Variants in ARNT2 observed in about 807,000 individuals in gnomAD.
ARNT2 encodes the protein aryl hydrocarbon receptor nuclear translocator 2, also known as ARNT protein 2.
ARNT2 carries 36 observed loss-of-function variants against 91.7 expected under a neutral mutation model. That is an observed-to-expected ratio of 0.39 (90% CI 0.30 to 0.52). ARNT2 has a LOEUF of 0.52. ARNT2 is among the 20% of genes least tolerant of loss of function. ARNT2 has a pLI of 0.72. For missense variants in ARNT2, 775 were observed against 939.3 expected (o/e 0.83, Z 2.29); for synonymous variants, 365 against 347.1 (o/e 1.05, Z -0.57).
intron 8 of ARNT2, among the ~76,000 whole-genome samples, chr15:80,533,708 G>C (rs1395106919): frequency 6.6e-6 from 1 of 152,212 alleles, no homozygotes; most frequent in East Asian, 1.9e-4. Flanking sequence ...CAAGGTTCTA[G>C]GTTCCTCTGC....
At chr15:80,525,603 C>G (rs1169346790) in intron 8 of ARNT2, among the ~76,000 whole-genome samples, 1 of 152,110 alleles carries the variant, frequency 6.6e-6, no homozygotes, top group Non-Finnish European at 1.5e-5. Flanking sequence ...ACAAAGAAAT[C>G]ACTCACTTTG....
chr15:80,474,028 A>T (rs897603128), intron 4 of ARNT2, among the ~76,000 whole-genome samples: 1 of 152,216 alleles, frequency 6.6e-6, no homozygotes, highest in Non-Finnish European at 1.5e-5. Context: ...TACAGTGTCT[A>T]GGGAAGACTT....
intron 8 of ARNT2, among the ~76,000 whole-genome samples, chr15:80,541,792 C>A (rs1407288082): frequency 6.6e-6 from 1 of 152,190 alleles, no homozygotes; most frequent in Non-Finnish European, 1.5e-5. Flanking sequence ...TTGCACAGTC[C>A]TGCCCTGTCG....
chr15:80,505,010 C>T (rs1259915150), intron 5 of ARNT2, among the ~76,000 whole-genome samples: 1 of 152,084 alleles, frequency 6.6e-6, no homozygotes, highest in Non-Finnish European at 1.5e-5. Flanking sequence ...ATTTTCCTGA[C>T]AACTAAGAGT....
chr15:80,534,236 G>A (rs1345722929), intron 8 of ARNT2, among the ~76,000 whole-genome samples: 2 of 152,140 alleles, frequency 1.3e-5, no homozygotes, highest in African/African-American at 4.8e-5. Flanking sequence ...GGCATTGTTT[G>A]AGAATGATGT....
intron 8 of ARNT2, among the ~76,000 whole-genome samples, chr15:80,521,944 T>C (rs1897554238): frequency 6.6e-6 from 1 of 152,170 alleles, no homozygotes; most frequent in Non-Finnish European, 1.5e-5. Flanking sequence ...ATTACCATGC[T>C]CTGTCAATAG....
At chr15:80,514,526 G>C (rs1457775583) in intron 8 of ARNT2, 121 bp downstream of exon 8, 1 of 839,638 alleles carries the variant, frequency 1.2e-6, no homozygotes, top group African/African-American at 1.7e-5. Flanking sequence ...TTTTCTTTGT[G>C]GTTAGAACAC....
chr15:80,508,147 C>T lies in ARNT2; in HGVS notation c.623-9C>T, dbSNP rs779297618. 9 of 1,613,948 alleles carry T rather than the reference C, an allele frequency of 5.6e-6. No homozygotes were observed. The highest frequency in any genetic ancestry group is 3.4e-6 in the Non-Finnish European group (4 of 1,179,898). ...GAGGCTTACGTAACTGTCCTTCTCTCTCTCTTAGGCCGGATCTTGGACCTG... is the reference window on the plus strand; with the variant it reads ...GAGGCTTACGTAACTGTCCTTCTCTTTCTCTTAGGCCGGATCTTGGACCTG... On this transcript the variant is annotated splice_polypyrimidine_tract_variant and intron_variant, in intron 5 of 18. Transcript: ENST00000303329.
chr15:80,540,644 C>T (rs139066095), intron 8 of ARNT2, among the ~76,000 whole-genome samples: 7 of 152,024 alleles, frequency 4.6e-5, no homozygotes, highest in Non-Finnish European at 8.8e-5. Flanking sequence ...AAACCTTTGC[C>T]CTCCTCCTTC....
chr15:80,581,034 C>T (rs1271599578), intron 16 of ARNT2: 2 of 623,708 alleles, frequency 3.2e-6, no homozygotes, highest in East Asian at 5.6e-5. Flanking sequence ...GTAACTTCAA[C>T]CAGACGTGCC....
At chr15:80,505,323 G>A (rs1003225479) in intron 5 of ARNT2, among the ~76,000 whole-genome samples, 1 of 152,192 alleles carries the variant, frequency 6.6e-6, no homozygotes. Flanking sequence ...AGGAAGTGAT[G>A]ACTGCCCTTT....
chr15:80,539,239 T>C (rs963855840), intron 8 of ARNT2, among the ~76,000 whole-genome samples: 7 of 152,138 alleles, frequency 4.6e-5, no homozygotes, highest in Non-Finnish European at 7.4e-5. Context: ...TTTCATGTGT[T>C]AGGATAAAGA....
At chr15:80,451,525 T>C (rs17225178) in intron 2 of ARNT2, among the ~76,000 whole-genome samples, 1 of 152,186 alleles carries the variant, frequency 6.6e-6, no homozygotes, top group African/African-American at 2.4e-5. Context: ...AGTGTACTTG[T>C]TCTGATAGGG....
chr15:80,556,434 A>C lies in ARNT2; in HGVS notation c.1164+1295A>C, dbSNP rs905704211. ...GGAAATAACTGGAAACAAAGACAAG[A>C]GGCTTTAAAATTGTCCAAGTAAGAG... On this transcript the variant is annotated intron_variant, in intron 11 of 18. Transcript: ENST00000303329. 5 of 152,544 alleles carry C rather than the reference A, an allele frequency of 3.3e-5. 1 individual carries two copies. In the South Asian group the frequency reaches 1.0e-3, roughly 32 times the overall value. The allele number at this position is 152,544 out of a possible 1,614,324, so 9.4% of individuals were successfully genotyped here.
At chr15:80,544,909 A>C (rs1897966675) in intron 8 of ARNT2, among the ~76,000 whole-genome samples, 1 of 152,166 alleles carries the variant, frequency 6.6e-6, no homozygotes. Flanking sequence ...GTATGACTCT[A>C]AGGGCAAGTC....
At chr15:80,406,591 A>G (rs1458250229) in intron 1 of ARNT2, among the ~76,000 whole-genome samples, 4 of 152,220 alleles carry the variant, frequency 2.6e-5, no homozygotes, top group Non-Finnish European at 4.4e-5. Flanking sequence ...TACATGGACT[A>G]AAGATCTAAA....
At chr15:80,411,345 G>C (rs1252426594) in intron 1 of ARNT2, among the ~76,000 whole-genome samples, 1 of 152,148 alleles carries the variant, frequency 6.6e-6, no homozygotes, top group Non-Finnish European at 1.5e-5. Flanking sequence ...CCATACAATA[G>C]ATACCCAGTA....
chr15:80,459,670 T>C (rs1189764448), intron 3 of ARNT2, among the ~76,000 whole-genome samples: 2 of 152,170 alleles, frequency 1.3e-5, no homozygotes, highest in Non-Finnish European at 2.9e-5. Flanking sequence ...GGCCCGATCA[T>C]TAAGAAACAG....
At chr15:80,537,973 G>A (rs1256835494) in intron 8 of ARNT2, among the ~76,000 whole-genome samples, 1 of 152,198 alleles carries the variant, frequency 6.6e-6, no homozygotes, top group Non-Finnish European at 1.5e-5. Flanking sequence ...GGGGAATTTG[G>A]ACACAGACGT....
Sources: allele counts gnomAD v4.1 joint callset (sites outside exome capture counted in the v4.1 genomes callset), GRCh38; gene constraint gnomAD v4.1.1; transcripts MANE v1.5; gene names NCBI Gene and HGNC (gene_info 2026-07-23, HGNC 2026-07-21).